DTNB: variants seen among roughly 807,000 people sequenced by gnomAD.
The protein encoded by DTNB is DTN-B.
Under a neutral mutation model 90.7 loss-of-function variants are expected in DTNB, and 63 were observed. The observed-to-expected ratio is 0.69, with a 90% CI of 0.57 to 0.86. The LOEUF (loss-of-function observed/expected upper bound fraction) is 0.86. DTNB is among the 40% of genes least tolerant of loss of function. The probability of loss-of-function intolerance (pLI) is 0.00; values close to 1 mark genes in which losing one functional copy is unlikely to be tolerated. For synonymous variants in DTNB, 277 were observed against 286.7 expected, an observed-to-expected ratio of 0.97 and a Z score of 0.34; for missense variants, 744 against 807.1, an observed-to-expected ratio of 0.92 and a Z score of 0.95.
At chr2:25,551,179 G>T (rs1354011277) in intron 8 of DTNB, among the ~76,000 whole-genome samples, 1 of 152,088 alleles carries the variant, frequency 6.6e-6, no homozygotes, top group Non-Finnish European at 1.5e-5. Context: ...CATCCAATGA[G>T]TTTACTTTAA....
intron 11 of DTNB, among the ~76,000 whole-genome samples, chr2:25,452,453 T>C (rs1490556952): frequency 6.6e-6 from 1 of 152,240 alleles, no homozygotes; most frequent in Admixed American, 6.5e-5. Context: ...TATAATTCTC[T>C]GTTTAGGACT....
intron 16 of DTNB, among the ~76,000 whole-genome samples, chr2:25,417,591 C>A (rs536043747): frequency 9.2e-5 from 14 of 152,120 alleles, no homozygotes; most frequent in African/African-American, 3.1e-4. Context: ...AGCTGGCACA[C>A]GCAGAGAGAG....
chr2:25,609,895 G>T (rs1259974192), intron 4 of DTNB, among the ~76,000 whole-genome samples: 1 of 151,942 alleles, frequency 6.6e-6, no homozygotes, highest in African/African-American at 2.4e-5. Flanking sequence ...AAGAGAAAAA[G>T]GGAAGCTGCA....
At chr2:25,601,840 G>C (rs2065942967) in intron 5 of DTNB, among the ~76,000 whole-genome samples, 2 of 152,136 alleles carry the variant, frequency 1.3e-5, no homozygotes, top group Admixed American at 1.3e-4. Context: ...ATATGCCACT[G>C]GCGGGGTGCG....
intron 8 of DTNB, among the ~76,000 whole-genome samples, chr2:25,562,844 C>T (rs1364808067): frequency 2.6e-5 from 4 of 152,188 alleles, no homozygotes; most frequent in African/African-American, 9.7e-5. Flanking sequence ...ACAATCTCAG[C>T]TCACTGCAAC....
chr2:25,546,544 C>T (rs185277426), intron 8 of DTNB, among the ~76,000 whole-genome samples: 84 of 152,284 alleles, frequency 5.5e-4, no homozygotes, highest in East Asian at 4.1e-3. Context: ...TACCTTGTTT[C>T]GTGAACCCAA....
chr2:25,547,483 C>G (rs888841149), intron 8 of DTNB, among the ~76,000 whole-genome samples: 2 of 152,052 alleles, frequency 1.3e-5, no homozygotes, highest in Non-Finnish European at 2.9e-5. Context: ...ACCACCATGT[C>G]CAGCCCATTT....
At chr2:25,440,553 C>T (rs1213098075) in intron 12 of DTNB, among the ~76,000 whole-genome samples, 1 of 152,058 alleles carries the variant, frequency 6.6e-6, no homozygotes, top group Non-Finnish European at 1.5e-5. Context: ...CCTGGAGCTC[C>T]AGAGGACCTA....
At chr2:25,408,514 G>A (rs867603235) in intron 16 of DTNB, among the ~76,000 whole-genome samples, 1 of 127,238 alleles carries the variant, frequency 7.9e-6, no homozygotes, top group South Asian at 2.5e-4. Flanking sequence ...ACTCCAGCCT[G>A]GACACCAGAG....
chr2:25,488,603 C>T (rs2066697853), intron 9 of DTNB, among the ~76,000 whole-genome samples: 1 of 152,120 alleles, frequency 6.6e-6, no homozygotes, highest in Non-Finnish European at 1.5e-5. Context: ...TGTCATTAAA[C>T]AGTACCTGGT....
intron 4 of DTNB, among the ~76,000 whole-genome samples, chr2:25,623,582 C>T (rs533691469): frequency 7.9e-5 from 12 of 152,244 alleles, no homozygotes; most frequent in East Asian, 7.7e-4. Context: ...ACTGAATTGA[C>T]GTGATCCTGG....
At chr2:25,661,024 G>C (rs72852693) in intron 1 of DTNB, among the ~76,000 whole-genome samples, 24,539 of 152,066 alleles carry the variant, frequency 0.16, 2,567 homozygotes, top group East Asian at 0.58. Flanking sequence ...TTGTGGTCTT[G>C]ATTGGTATTT....
chr2:25,662,639 C>G (rs550742704), intron 1 of DTNB, among the ~76,000 whole-genome samples: 9 of 133,716 alleles, frequency 6.7e-5, no homozygotes, highest in Non-Finnish European at 9.4e-5. Flanking sequence ...ATATAACATA[C>G]AAATATACAA....
intron 10 of DTNB, among the ~76,000 whole-genome samples, chr2:25,480,283 C>T (rs1574966153): frequency 6.6e-6 from 1 of 152,328 alleles, no homozygotes; most frequent in Non-Finnish European, 1.5e-5. Context: ...GGTCTGCCCT[C>T]TGGCTGCCTT....
At position 25,492,620 on chromosome 2, in the gene DTNB, T is replaced by C. The variant is rs2067795395; in HGVS notation, c.1002-9747A>G. Reference sequence around the variant, plus strand: ...GGCTCACACCTGTAATCCCACCACTTTGGGAGGCCGAGGCAGGAGAATCGC... The same window carrying C: ...GGCTCACACCTGTAATCCCACCACTCTGGGAGGCCGAGGCAGGAGAATCGC... On this transcript the variant is annotated intron_variant, in intron 9 of 20. Transcript: ENST00000406818. Among the ~76,000 whole-genome samples the C allele has an allele frequency of 3.9e-5, 6 of 152,242 alleles. No individual in the cohort carries two copies. In the South Asian group the frequency reaches 8.3e-4, roughly 21 times the overall value.
At chr2:25,655,842 C>T (rs2081968136) in intron 1 of DTNB, among the ~76,000 whole-genome samples, 1 of 152,060 alleles carries the variant, frequency 6.6e-6, no homozygotes, top group Non-Finnish European at 1.5e-5. Flanking sequence ...GACATACACG[C>T]CTGTCAGGTA....
At chr2:25,605,931 C>A (rs1429961012) in intron 5 of DTNB, among the ~76,000 whole-genome samples, 1 of 151,938 alleles carries the variant, frequency 6.6e-6, no homozygotes, top group African/African-American at 2.4e-5. Context: ...TAAATAAAAC[C>A]ATAATTCTTA....
chr2:25,568,093 G>A (rs1368556701), intron 8 of DTNB, among the ~76,000 whole-genome samples: 1 of 151,918 alleles, frequency 6.6e-6, no homozygotes, highest in South Asian at 2.1e-4. Flanking sequence ...GGGAAGTAGA[G>A]GTTGCAGTGA....
intron 10 of DTNB, among the ~76,000 whole-genome samples, chr2:25,479,985 A>C (rs1313459526): frequency 6.6e-6 from 1 of 152,184 alleles, no homozygotes; most frequent in Non-Finnish European, 1.5e-5. Flanking sequence ...CTGGCCACAC[A>C]GGTCTGTCCA....
Sources: gnomAD v4.1 joint callset for allele counts (sites outside exome capture counted in the v4.1 genomes callset) on GRCh38, gnomAD v4.1.1 for gene constraint, MANE v1.5 for transcripts, NCBI Gene and HGNC (gene_info 2026-07-23, HGNC 2026-07-21) for gene names.